KLHDC1: variants seen among roughly 807,000 people sequenced by gnomAD.
The protein encoded by KLHDC1 is kelch domain-containing protein 1.
In KLHDC1, 53 loss-of-function variants were observed where a neutral mutation model predicts 68.3. That is an observed-to-expected ratio of 0.78 (90% CI 0.62 to 0.98). KLHDC1 has a LOEUF of 0.98. KLHDC1 is among the 50% of genes least tolerant of loss of function. KLHDC1 has a pLI of 0.00. For missense variants in KLHDC1, 470 were observed against 492.3 expected (o/e 0.95, Z 0.43); for synonymous variants, 148 against 159.0 (o/e 0.93, Z 0.52).
At chr14:49,719,911 A>G (rs1222403490) in intron 4 of KLHDC1, among the ~76,000 whole-genome samples, 1 of 151,808 alleles carries the variant, frequency 6.6e-6, no homozygotes, top group South Asian at 2.1e-4. Flanking sequence ...TGCAGCCTCA[A>G]ACTCCTGGGC....
chr14:49,723,793 G>A (rs1201841227), intron 4 of KLHDC1, 81 bp from the exon 5 acceptor site: 2 of 740,426 alleles, frequency 2.7e-6, no homozygotes, highest in Admixed American at 2.8e-5. Flanking sequence ...GGTTGTTAAG[G>A]TGAGAGGATC....
chr14:49,749,025 T>C (rs1260422572), intron 12 of KLHDC1, among the ~76,000 whole-genome samples: 3 of 152,064 alleles, frequency 2.0e-5, no homozygotes, highest in Non-Finnish European at 4.4e-5. Context: ...GGTCTCGAAC[T>C]CCTGACCTCA....
intron 12 of KLHDC1, among the ~76,000 whole-genome samples, chr14:49,746,660 G>T (rs1191017560): frequency 6.6e-6 from 1 of 152,194 alleles, no homozygotes; most frequent in Admixed American, 6.5e-5. Flanking sequence ...TTCACATGCA[G>T]GTGTTGCCAT....
chr14:49,743,908 G>A (rs1480510504), intron 12 of KLHDC1, 103 bp downstream of exon 12: 57 of 642,836 alleles, frequency 8.9e-5, no homozygotes, highest in Non-Finnish European at 1.4e-5. Flanking sequence ...CTTATGACAT[G>A]AATTCAAGAA....
chr14:49,712,339 T>C lies in KLHDC1; in HGVS notation c.404+1958T>C, dbSNP rs1225266662. Among the ~76,000 whole-genome samples the C allele has an allele frequency of 2.0e-5, 3 of 152,200 alleles. No homozygotes were observed. The East Asian group carries it at 5.8e-4, about 29-fold the overall frequency. ...ATGTCATTTGGCTATAGAATCCCAA[T>C]AGTCTGCACTGTGTTGGTTGTATCT... On this transcript the variant is annotated intron_variant, in intron 4 of 12. Coordinates refer to ENST00000359332, the MANE Select transcript of KLHDC1 (RefSeq NM_172193.3).
At chr14:49,707,141 T>C (rs1239642000) in intron 1 of KLHDC1, among the ~76,000 whole-genome samples, 1 of 152,110 alleles carries the variant, frequency 6.6e-6, no homozygotes, top group Non-Finnish European at 1.5e-5. Flanking sequence ...CTTTAATCCA[T>C]TTTGATGTGA....
Position 49,751,956 on chromosome 14 carries a change from T to A in KLHDC1, c.*184T>A. The A allele has an allele frequency of 3.0e-6, 1 of 335,114 alleles. No individual in the cohort carries two copies. The highest frequency in any genetic ancestry group is 5.5e-6 in the Non-Finnish European group (1 of 182,304). The allele number at this position is 335,114 out of a possible 1,614,324, so 20.8% of individuals were successfully genotyped here. A position where few individuals can be genotyped will look rare whatever the true frequency, so the allele number is the denominator to read the frequency against. ...AGATATTAATGCAGATTAATTTATA[T>A]TTGTAAACAAATTTCCTTACAAACT... On this transcript the variant is annotated 3_prime_UTR_variant, in exon 13 of 13. Coordinates refer to ENST00000359332, the MANE Select transcript of KLHDC1 (RefSeq NM_172193.3).
intron 9 of KLHDC1, among the ~76,000 whole-genome samples, chr14:49,733,270 G>A (rs1566614887): frequency 6.6e-6 from 1 of 152,066 alleles, no homozygotes; most frequent in Admixed American, 6.6e-5. Flanking sequence ...GTTTAGCTAG[G>A]TTTTTTAAAC....
intron 1 of KLHDC1, among the ~76,000 whole-genome samples, chr14:49,702,615 CTACTTATCCTCATAAAA>C (rs1887939120): frequency 6.6e-6 from 1 of 152,146 alleles, no homozygotes; most frequent in South Asian, 2.1e-4. Flanking sequence ...TAGTTGTCTC[CTACTTATCCTCATAAAA>C]TATAAGATAT....
intron 4 of KLHDC1, among the ~76,000 whole-genome samples, chr14:49,715,266 GCACA>G (rs909025849): frequency 2.7e-4 from 41 of 150,552 alleles, no homozygotes; most frequent in African/African-American, 9.5e-4. Context: ...GGGATTACAG[GCACA>G]CACCACCACA....
chr14:49,725,121 G>A (rs1888633237), intron 5 of KLHDC1, among the ~76,000 whole-genome samples: 1 of 152,200 alleles, frequency 6.6e-6, no homozygotes. Flanking sequence ...AGTAGTGATA[G>A]AGGATTTCAG....
intron 4 of KLHDC1, among the ~76,000 whole-genome samples, chr14:49,712,649 G>A (rs992050200): frequency 6.7e-5 from 10 of 150,298 alleles, no homozygotes; most frequent in Non-Finnish European, 4.4e-5. Context: ...CTACAGGCAT[G>A]TGCCACCATG....
intron 4 of KLHDC1, among the ~76,000 whole-genome samples, chr14:49,718,744 GT>G (rs1888443088): frequency 1.0e-5 from 1 of 97,800 alleles, no homozygotes; most frequent in South Asian, 3.2e-4. Flanking sequence ...TTGTTTTGTT[GT>G]TTTTCTTTTT....
chr14:49,703,196 A>G (rs1484359826), intron 1 of KLHDC1, among the ~76,000 whole-genome samples: 1 of 152,040 alleles, frequency 6.6e-6, no homozygotes, highest in Admixed American at 6.6e-5. Context: ...GCTTCCTTTT[A>G]TCCTGCATTG....
At chr14:49,697,872 C>T (rs919708818) in intron 1 of KLHDC1, among the ~76,000 whole-genome samples, 18 of 152,070 alleles carry the variant, frequency 1.2e-4, no homozygotes, top group African/African-American at 4.3e-4. Context: ...GAAAAGGAGT[C>T]GATTAGAGTA....
chr14:49,697,817 A>G (rs1230359437), intron 1 of KLHDC1, among the ~76,000 whole-genome samples: 2 of 152,170 alleles, frequency 1.3e-5, no homozygotes, highest in African/African-American at 4.8e-5. Flanking sequence ...ATATATTCTT[A>G]CTATATTCCT....
chr14:49,718,197 G>A (rs1173489748), intron 4 of KLHDC1, among the ~76,000 whole-genome samples: 10 of 151,890 alleles, frequency 6.6e-5, no homozygotes, highest in Admixed American at 6.6e-4. Flanking sequence ...TGAGGGTGTG[G>A]GTCTTTCCAG....
At chr14:49,696,712 C>G (rs1887752942) in intron 1 of KLHDC1, among the ~76,000 whole-genome samples, 1 of 152,202 alleles carries the variant, frequency 6.6e-6, no homozygotes, top group Non-Finnish European at 1.5e-5. Flanking sequence ...TCATATTACT[C>G]ATTTTTCATT....
In KLHDC1 at chr14:49,713,836, ATATATATATATATATTTTTT is replaced by A. The variant is rs1378416237; in HGVS notation, c.404+3457_404+3476del. 1.3e-3 allele frequency among the ~76,000 whole-genome samples: 4 copies of A among 3,140 alleles called. 1 individual carries two copies. In the East Asian group the frequency reaches 0.059, roughly 46 times the overall value. 2.1% of individuals were successfully genotyped at this position (3,140 alleles called of 152,430 possible). A position where few individuals can be genotyped will look rare whatever the true frequency, so the allele number is the denominator to read the frequency against. ...TATATATATATATATATATATATAT[ATATATATATATATATTTTTT>A]TTTTTTTTTTTCCTGAGACAGAGTC... On this transcript the variant is annotated intron_variant, in intron 4 of 12. Transcript: ENST00000359332.
Sources: allele counts gnomAD v4.1 joint callset (sites outside exome capture counted in the v4.1 genomes callset), GRCh38; gene constraint gnomAD v4.1.1; transcripts MANE v1.5; gene names NCBI Gene and HGNC (gene_info 2026-07-23, HGNC 2026-07-21).